The following ZNF605 variants were observed in gnomAD, a reference collection of about 807,000 sequenced individuals.
ZNF605 encodes the protein zinc finger protein 605.
A neutral mutation model predicts 7.9 loss-of-function variants in ZNF605; 9 were observed. The observed-to-expected ratio is 1.14, with a 90% CI of 0.68 to 1.98. ZNF605 has a LOEUF of 1.98. Among genes scored for constraint, ZNF605 ranks in the 30% most tolerant of loss-of-function variants. The probability of loss-of-function intolerance (pLI) is 0.00; values close to 1 mark genes in which losing one functional copy is unlikely to be tolerated. For missense variants in ZNF605, 673 were observed against 762.4 expected, an observed-to-expected ratio of 0.88 and a Z score of 1.38; for synonymous variants, 255 against 260.1, an observed-to-expected ratio of 0.98 and a Z score of 0.19.
intron 3 of ZNF605, among the ~76,000 whole-genome samples, chr12:132,938,971 A>G (rs371320036): frequency 0.048 from 7,071 of 146,026 alleles, 358 homozygotes; most frequent in African/African-American, 0.097. Context: ...TTTCTCACCG[A>G]GCCTTAGCTG....
In ZNF605 at chr12:132,941,805, C is replaced by T. The variant is rs1384032997; in HGVS notation, c.15+3816G>A. On this transcript the variant is annotated intron_variant, in intron 3 of 4. Coordinates refer to ENST00000360187, the MANE Select transcript of ZNF605 (RefSeq NM_183238.4). This position sits in a 1 kb window ranked among gnomAD's most constrained non-coding sequence, Gnocchi z 5.1. Reference sequence around the variant, plus strand: ...GTCACGCGCCCTTTTCCAGGCTGCCCTCTGTCACGCTCCTTCTCGAGGCTG... The same window carrying T: ...GTCACGCGCCCTTTTCCAGGCTGCCTTCTGTCACGCTCCTTCTCGAGGCTG... 6.6e-5 allele frequency among the ~76,000 whole-genome samples: 10 copies of T among 151,958 alleles called. No homozygotes were observed. Among genetic ancestry groups the T allele is most frequent in the African/African-American group, 2.4e-4 (10 of 41,352 alleles).
intron 1 of ZNF605, among the ~76,000 whole-genome samples, chr12:132,953,745 C>T (rs1952599964): frequency 1.3e-5 from 2 of 151,994 alleles, no homozygotes; most frequent in Non-Finnish European, 1.5e-5. Context: ...ACTTCTAACT[C>T]CACATTCACC....
chr12:132,924,561 T>C lies in ZNF605; in HGVS notation c.*812A>G, dbSNP rs1566228486. 1 of 152,310 alleles carries C rather than the reference T, an allele frequency of 6.6e-6. No homozygotes were observed. The highest frequency in any genetic ancestry group is 1.5e-5 in the Non-Finnish European group (1 of 68,116). The allele number at this position is 152,310 out of a possible 1,614,324, so 9.4% of individuals were successfully genotyped here. ...CTGCTGTGGCCTCCCCAACTGCCAG[T>C]CCTGTCTCTTCAATTCAGCGAGATT... On this transcript the variant is annotated 3_prime_UTR_variant, in exon 5 of 5. Coordinates refer to ENST00000360187, the MANE Select transcript of ZNF605 (RefSeq NM_183238.4).
At chr12:132,934,378 G>T (rs1952339588) in intron 3 of ZNF605, among the ~76,000 whole-genome samples, 1 of 152,020 alleles carries the variant, frequency 6.6e-6, no homozygotes, top group African/African-American at 2.4e-5. Flanking sequence ...GCTATTTTAG[G>T]TATCTTCCAA....
At chr12:132,939,808 C>G (rs111926567) in intron 3 of ZNF605, among the ~76,000 whole-genome samples, 1,552 of 150,964 alleles carry the variant, frequency 0.01, 32 homozygotes, top group African/African-American at 0.037. Flanking sequence ...CTTTTATGAG[C>G]TGTAACACTC....
chr12:132,926,084 C>T lies in ZNF605; in HGVS notation c.1215G>A (p.Lys405=), dbSNP rs1041594313. 3.1e-6 allele frequency: 5 copies of T among 1,614,086 alleles called. No homozygotes were observed. The African/African-American group carries it at 6.7e-5, about 22-fold the overall frequency. ...CSDCEEAFFK[K]SELIRHQKIH... ...TTTTTTGATGTCTTATTAACTCTGA[C>T]TTCTTAAAGAAGGCCTCCTCACAAT... The change falls in exon 5 of 5, where the codon AAG becomes AAA. Residue 405 remains lysine (K), a synonymous_variant. Transcript: ENST00000360187.
At chr12:132,939,942 TC>T (rs1343969888) in intron 3 of ZNF605, among the ~76,000 whole-genome samples, 6 of 151,866 alleles carry the variant, frequency 4.0e-5, no homozygotes, top group South Asian at 2.1e-4. Context: ...GCAGCTTCAC[TC>T]CTGAGCCAGC....
chr12:132,940,527 T>C (rs980334557), intron 3 of ZNF605, among the ~76,000 whole-genome samples: 2 of 151,600 alleles, frequency 1.3e-5, no homozygotes, highest in African/African-American at 4.8e-5. Context: ...AGTGTATTGT[T>C]GATGCTGATG....
intron 3 of ZNF605, among the ~76,000 whole-genome samples, chr12:132,939,452 G>A (rs1326638309): frequency 1.3e-5 from 2 of 152,146 alleles, no homozygotes; most frequent in African/African-American, 2.4e-5. Context: ...CCTGTGTTTT[G>A]CTCAAGGTTT....
At chr12:132,928,233 G>A (rs1952268346) in intron 4 of ZNF605, among the ~76,000 whole-genome samples, 1 of 152,190 alleles carries the variant, frequency 6.6e-6, no homozygotes. Context: ...GGGATATAAT[G>A]CAGAATAAAT....
At chr12:132,937,886 G>C (rs112793641) in intron 3 of ZNF605, among the ~76,000 whole-genome samples, 20,813 of 152,212 alleles carry the variant, frequency 0.14, 1,700 homozygotes, top group Non-Finnish European at 0.19. Context: ...CAAGAAAAAG[G>C]AAGAAACTAC....
rs1489564396 is a variant in ZNF605, at chr12:132,926,129, C to T, written c.1170G>A (p.Glu390=). 2.5e-6 allele frequency: 4 copies of T among 1,614,250 alleles called. No homozygotes were observed. The South Asian group carries it at 3.3e-5, about 13-fold the overall frequency. Residue 390 remains glutamate, a synonymous_variant, in exon 5 of 5, where the codon GAG becomes GAA. Coordinates refer to ENST00000360187, the MANE Select transcript of ZNF605 (RefSeq NM_183238.4). ...CACAATCACTGCATCGATAGTTCTT[C>T]TCTCCTGTGTGAGTTATCTGATGTT... ...LIKHQITHTG[E]KNYRCSDCEE... is the part of the protein sequence containing the mutation.
chr12:132,932,194 C>G (rs898404599), intron 4 of ZNF605, among the ~76,000 whole-genome samples: 13 of 152,182 alleles, frequency 8.5e-5, no homozygotes, highest in African/African-American at 3.1e-4. Context: ...ACTGTCGTGC[C>G]CTGCCCTCTC....
rs1394536022 is a variant in ZNF605 at position 132,923,413 on chromosome 12, A to C, written c.*1960T>G. On this transcript the variant is annotated 3_prime_UTR_variant, in exon 5 of 5. Transcript: ENST00000360187. ...ACCTTTGATTTAGTTTCTCAGAAAC[A>C]GTCTTTATTTTGCCTTCATTTTTGA... is the stretch of plus-strand genomic sequence containing the variant. The C allele has an allele frequency of 6.6e-6, 1 of 152,192 alleles. No individual in the cohort carries two copies. The highest frequency in any genetic ancestry group is 1.5e-5 in the Non-Finnish European group (1 of 68,034). 9.4% of individuals were successfully genotyped at this position (152,192 alleles called of 1,614,324 possible).
In ZNF605 at chr12:132,945,789, G is replaced by T; in HGVS notation, c.-154C>A. On this transcript the variant is annotated 5_prime_UTR_variant, in exon 3 of 5. Coordinates refer to ENST00000360187, the MANE Select transcript of ZNF605 (RefSeq NM_183238.4). ...TCACATGAATTGTCTTGTTCCAGAG[G>T]GCTATTGCCTGTGGATGCAGTGGAC... 9.2e-7 allele frequency: 1 copy of T among 1,090,622 alleles called. No individual in the cohort carries two copies. Among genetic ancestry groups the T allele is most frequent in the Non-Finnish European group, 1.4e-6 (1 of 717,610 alleles). 67.6% of individuals were successfully genotyped at this position (1,090,622 alleles called of 1,614,324 possible). A position where few individuals can be genotyped will look rare whatever the true frequency, so the allele number is the denominator to read the frequency against.
Position 132,920,526 on chromosome 12 carries a change from A to G in ZNF605, c.*4847T>C, listed in dbSNP as rs1241164183. Reference sequence around the variant, plus strand: ...TTGTGTTCTAAGTTGCAAAGATCCCATAAGGGAAATAAAGAATTATTAAAT... The same window carrying G: ...TTGTGTTCTAAGTTGCAAAGATCCCGTAAGGGAAATAAAGAATTATTAAAT... On this transcript the variant is annotated 3_prime_UTR_variant, in exon 5 of 5. Transcript: ENST00000360187. The G allele has an allele frequency of 6.6e-6, 1 of 152,254 alleles. No individual in the cohort carries two copies. Among genetic ancestry groups the G allele is most frequent in the African/African-American group, 2.4e-5 (1 of 41,460 alleles). The allele number at this position is 152,254 out of a possible 1,614,324, so 9.4% of individuals were successfully genotyped here.
chr12:132,929,973 C>G (rs972986975), intron 4 of ZNF605, among the ~76,000 whole-genome samples: 1 of 152,104 alleles, frequency 6.6e-6, no homozygotes, highest in Admixed American at 6.5e-5. Flanking sequence ...ATATGTCTAT[C>G]CAAATTAATG....
chr12:132,936,345 T>C (rs1485648326), intron 3 of ZNF605, among the ~76,000 whole-genome samples: 1 of 152,082 alleles, frequency 6.6e-6, no homozygotes, highest in Non-Finnish European at 1.5e-5. Flanking sequence ...AATTGGAAGA[T>C]AGACCAGAAG....
rs1426051091 is a variant in ZNF605 at position 132,926,469 on chromosome 12, A to G, written c.830T>C (p.Ile277Thr). The change falls in exon 5 of 5, where the codon ATA becomes ACA. Residue 277 changes from isoleucine (I) to threonine (T), a missense_variant. Physicochemically the swap from Ile to Thr is moderately conservative, Grantham distance 89. Coordinates refer to ENST00000360187, the MANE Select transcript of ZNF605 (RefSeq NM_183238.4). ...QLKRHQITHT[I>T]EKPYSCSECG... Reference sequence around the variant, plus strand: ...CTCACTGCAACTGTAGGGTTTCTCTATTGTGTGCGTTATCTGATGTCTTTT... The same window carrying G: ...CTCACTGCAACTGTAGGGTTTCTCTGTTGTGTGCGTTATCTGATGTCTTTT... The G allele has an allele frequency of 2.0e-5, 32 of 1,613,722 alleles. No homozygotes were observed. In the East Asian group the frequency reaches 3.8e-4, roughly 19 times the overall value.
Sources: gnomAD v4.1 joint callset for allele counts (sites outside exome capture counted in the v4.1 genomes callset) on GRCh38, gnomAD v4.1.1 for gene constraint, Gnocchi (gnomAD v3.1) non-coding constraint, MANE v1.5 for transcripts, NCBI Gene and HGNC (gene_info 2026-07-23, HGNC 2026-07-21) for gene names.